Variants in RAB10 observed in about 807,000 individuals in gnomAD.
RAB10 encodes the protein ras-related protein Rab-10.
A neutral mutation model predicts 25.7 loss-of-function variants in RAB10; 5 were observed. The observed-to-expected ratio is 0.19, with a 90% CI of 0.10 to 0.41. The LOEUF is 0.41. Among genes scored for constraint, RAB10 ranks in the 10% least tolerant of loss-of-function variants. RAB10 has a pLI of 1.00. For missense variants in RAB10, 103 were observed against 245.8 expected, an observed-to-expected ratio of 0.42 and a Z score of 3.89; for synonymous variants, 89 against 86.4, an observed-to-expected ratio of 1.03 and a Z score of -0.16.
intron 3 of RAB10, among the ~76,000 whole-genome samples, chr2:26,116,906 C>T (rs1010979446): frequency 6.6e-6 from 1 of 151,388 alleles, no homozygotes; most frequent in African/African-American, 2.4e-5. Flanking sequence ...GCTGTGTTGC[C>T]CAGGAGGCTG....
intron 1 of RAB10, among the ~76,000 whole-genome samples, chr2:26,077,304 G>T (rs1019948942): frequency 1.3e-5 from 2 of 152,164 alleles, no homozygotes; most frequent in African/African-American, 4.8e-5. Flanking sequence ...TATTCTGGTG[G>T]AGTGTGAAAG....
At chr2:26,054,392 G>A (rs1376243479) in intron 1 of RAB10, among the ~76,000 whole-genome samples, 1 of 152,056 alleles carries the variant, frequency 6.6e-6, no homozygotes, top group African/African-American at 2.4e-5. Flanking sequence ...GTTTCACCAT[G>A]TTGGCCAGGC....
At chr2:26,124,034 C>T (rs1282951192) in intron 3 of RAB10, among the ~76,000 whole-genome samples, 1 of 152,168 alleles carries the variant, frequency 6.6e-6, no homozygotes, top group East Asian at 1.9e-4. Flanking sequence ...TGATCCACTT[C>T]CACTTAATGA....
chr2:26,068,673 C>G (rs1419772109), intron 1 of RAB10, among the ~76,000 whole-genome samples: 1 of 152,088 alleles, frequency 6.6e-6, no homozygotes, highest in African/African-American at 2.4e-5. Context: ...CTCTGAGCCT[C>G]TTTCTTTATC....
At chr2:26,044,332 A>G (rs1665950376) in intron 1 of RAB10, among the ~76,000 whole-genome samples, 1 of 152,168 alleles carries the variant, frequency 6.6e-6, no homozygotes. Context: ...CCTTTATGGT[A>G]CTTTCCCATG....
chr2:26,038,924 CAAAA>C (rs34311018), intron 1 of RAB10, among the ~76,000 whole-genome samples: 8 of 103,360 alleles, frequency 7.7e-5, no homozygotes, highest in Admixed American at 1.1e-4. Context: ...GACTCTGTCT[CAAAA>C]AAAAAAAAAA....
rs573140990 is a variant in RAB10 at position 26,055,295 on chromosome 2, A to G, written c.127+20560A>G. ...TTGTTGCTCTTCTAAGACATTTTACATTGTGGGAAATACAGGCTTTATGCC... is the reference window on the plus strand; with the variant it reads ...TTGTTGCTCTTCTAAGACATTTTACGTTGTGGGAAATACAGGCTTTATGCC... On this transcript the variant is annotated intron_variant, in intron 1 of 5. Transcript: ENST00000264710. Among the ~76,000 whole-genome samples, 6 of 151,926 alleles carry G rather than the reference A, an allele frequency of 3.9e-5. No homozygotes were observed. In the South Asian group the frequency reaches 1.2e-3, roughly 32 times the overall value.
intron 1 of RAB10, among the ~76,000 whole-genome samples, chr2:26,054,736 T>C (rs941569900): frequency 6.6e-6 from 1 of 152,232 alleles, no homozygotes; most frequent in Non-Finnish European, 1.5e-5. Flanking sequence ...ATCTTCCAGA[T>C]TCACCAGTTG....
At chr2:26,080,594 G>A (rs894492763) in intron 1 of RAB10, among the ~76,000 whole-genome samples, 4 of 152,048 alleles carry the variant, frequency 2.6e-5, no homozygotes, top group Admixed American at 6.6e-5. Flanking sequence ...CTGTAACCTT[G>A]AACTCTTGGG....
chr2:26,034,514 T>C lies in RAB10; in HGVS notation c.-95T>C. ...CCTTTTTCCCACGCTTCCCCGGTCC[T>C]CCGGCCTGAGAACGCCCGAGTGAGG... On this transcript the variant is annotated 5_prime_UTR_variant, in exon 1 of 6. Coordinates refer to ENST00000264710, the MANE Select transcript of RAB10 (RefSeq NM_016131.5). 2 of 1,545,230 alleles carry C rather than the reference T, an allele frequency of 1.3e-6. No individual in the cohort carries two copies. Among genetic ancestry groups the C allele is most frequent in the Non-Finnish European group, 1.8e-6 (2 of 1,137,698 alleles).
intron 3 of RAB10, among the ~76,000 whole-genome samples, chr2:26,116,397 G>A (rs1667688437): frequency 6.6e-6 from 1 of 151,996 alleles, no homozygotes; most frequent in Admixed American, 6.6e-5. Context: ...TATAATATAG[G>A]TTGGTGTGGA....
intron 5 of RAB10, 148 bp from the exon 6 acceptor site, chr2:26,134,789 TC>T: frequency 1.8e-6 from 1 of 568,192 alleles, no homozygotes; most frequent in Non-Finnish European, 2.9e-6. Flanking sequence ...AGCTTCCAAA[TC>T]TTTACTTTGC....
At chr2:26,130,839 G>A (rs568078774) in intron 5 of RAB10, among the ~76,000 whole-genome samples, 1 of 152,270 alleles carries the variant, frequency 6.6e-6, no homozygotes, top group Non-Finnish European at 1.5e-5. Context: ...AGACATTAAT[G>A]GGTCAGGATG....
chr2:26,074,921 C>G (rs1377382872), intron 1 of RAB10, among the ~76,000 whole-genome samples: 1 of 152,130 alleles, frequency 6.6e-6, no homozygotes, highest in Admixed American at 6.5e-5. Context: ...TGGAACGGGT[C>G]TGGCATATAG....
Position 26,136,117 on chromosome 2 carries a change from T to C in RAB10, c.*1096T>C, listed in dbSNP as rs1256601434. Reference sequence around the variant, plus strand: ...AAGAGTTAACTGCATGCACTAGTGTTTGGAGGGTGTTGTGGTTTGTCTTTC... The same window carrying C: ...AAGAGTTAACTGCATGCACTAGTGTCTGGAGGGTGTTGTGGTTTGTCTTTC... On this transcript the variant is annotated 3_prime_UTR_variant, in exon 6 of 6. Coordinates refer to ENST00000264710, the MANE Select transcript of RAB10 (RefSeq NM_016131.5). 1 of 152,666 alleles carries C rather than the reference T, an allele frequency of 6.6e-6. No individual in the cohort carries two copies. The allele number at this position is 152,666 out of a possible 1,614,324, so 9.5% of individuals were successfully genotyped here. A position where few individuals can be genotyped will look rare whatever the true frequency, so the allele number is the denominator to read the frequency against.
At chr2:26,062,285 G>C (rs943393371) in intron 1 of RAB10, among the ~76,000 whole-genome samples, 5 of 152,230 alleles carry the variant, frequency 3.3e-5, no homozygotes, top group Admixed American at 2.6e-4. Context: ...CATAGCCTTA[G>C]TGTAATTTTG....
chr2:26,073,565 C>T (rs560778130), intron 1 of RAB10, among the ~76,000 whole-genome samples: 2 of 152,140 alleles, frequency 1.3e-5, no homozygotes, highest in African/African-American at 4.8e-5. Context: ...CAGAACCTAC[C>T]CAGAACTCAG....
chr2:26,050,163 G>A (rs1355473853), intron 1 of RAB10, among the ~76,000 whole-genome samples: 1 of 152,150 alleles, frequency 6.6e-6, no homozygotes, highest in Non-Finnish European at 1.5e-5. Flanking sequence ...TGCTAAAAGG[G>A]TACATGGTAA....
intron 1 of RAB10, among the ~76,000 whole-genome samples, chr2:26,035,577 C>T (rs1341535591): frequency 1.3e-5 from 2 of 152,154 alleles, no homozygotes; most frequent in African/African-American, 4.8e-5. Context: ...AGGGAAGGCT[C>T]TAGGAAAGTC....
Sources: allele counts gnomAD v4.1 joint callset (sites outside exome capture counted in the v4.1 genomes callset), GRCh38; gene constraint gnomAD v4.1.1; transcripts MANE v1.5; gene names NCBI Gene and HGNC (gene_info 2026-07-23, HGNC 2026-07-21).